The following MED12L variants were observed in gnomAD, a reference collection of about 807,000 sequenced individuals.
MED12L encodes mediator of RNA polymerase II transcription subunit 12-like protein.
A neutral mutation model predicts 281.3 loss-of-function variants in MED12L; 60 were observed. The ratio of observed to expected loss-of-function variants is 0.21; its 90% CI spans 0.17 to 0.26. MED12L has a LOEUF of 0.26. Among genes scored for constraint, MED12L ranks in the 10% least tolerant of loss-of-function variants. The probability of loss-of-function intolerance (pLI) is 1.00; values close to 1 mark genes in which losing one functional copy is unlikely to be tolerated. For missense variants in MED12L, 2,146 were observed against 2,680.9 expected, an observed-to-expected ratio of 0.80 and a Z score of 4.41; for synonymous variants, 974 against 987.2, an observed-to-expected ratio of 0.99 and a Z score of 0.25.
chr3:151,278,392 A>G (rs1742259295), intron 16 of MED12L: 1 of 152,232 alleles, frequency 6.6e-6, no homozygotes, highest in Non-Finnish European at 1.5e-5. Flanking sequence ...CTCATCTTCA[A>G]CTACGGATGA....
At chr3:151,123,156 C>CAATTT (rs1714013947) in intron 4 of MED12L, among the ~76,000 whole-genome samples, 182 bp downstream of exon 4, 2 of 152,132 alleles carry the variant, frequency 1.3e-5, no homozygotes, top group African/African-American at 4.8e-5. Flanking sequence ...GCATGTAGTG[C>CAATTT]CTAGGACATC....
At position 151,317,436 on chromosome 3, in the gene MED12L, C is replaced by CTTTTTTTTTTTTTTTTTTT. The variant is rs1164820615; in HGVS notation, c.2251-32611_2251-32593dup. 5.4e-4 allele frequency among the ~76,000 whole-genome samples: 32 copies of CTTTTTTTTTTTTTTTTTTT among 58,742 alleles called. 11 individuals are homozygous for CTTTTTTTTTTTTTTTTTTT. The highest frequency in any genetic ancestry group is 8.2e-4 in the South Asian group (1 of 1,218). The allele number at this position is 58,742 out of a possible 152,430, so 38.5% of individuals were successfully genotyped here. A position where few individuals can be genotyped will look rare whatever the true frequency, so the allele number is the denominator to read the frequency against. On this transcript the variant is annotated intron_variant, in intron 16 of 44. Coordinates refer to ENST00000687756, the MANE Select transcript of MED12L (RefSeq NM_001393769.1). ...ATGACAAATTTATATAATCATATCA[C>CTTTTTTTTTTTTTTTTTTT]TTTTTTTTTTTTTTTTTTTTTTTTT...
intron 2 of MED12L, among the ~76,000 whole-genome samples, chr3:151,106,808 A>G (rs763637127): frequency 5.9e-5 from 9 of 152,190 alleles, no homozygotes; most frequent in African/African-American, 9.7e-5. Flanking sequence ...GAAGTCTACT[A>G]TATCTGATAT....
chr3:151,195,040 G>A (rs1219321477), intron 16 of MED12L, among the ~76,000 whole-genome samples: 1 of 152,124 alleles, frequency 6.6e-6, no homozygotes, highest in Admixed American at 6.5e-5. Flanking sequence ...GCGGGCGCCT[G>A]TAGTCGCAGC....
chr3:151,183,809 G>A (rs1474295088), intron 11 of MED12L, among the ~76,000 whole-genome samples: 8 of 152,142 alleles, frequency 5.3e-5, no homozygotes, highest in Non-Finnish European at 1.0e-4. Flanking sequence ...GTGTAATCCT[G>A]AAGATGCAGG....
chr3:151,192,592 A>G lies in MED12L; in HGVS notation c.2011A>G (p.Thr671Ala). ...MAHMGIDSGTTNIFDEVDKSD... is the reference protein window; with the variant it reads ...MAHMGIDSGTANIFDEVDKSD... ...GCATATGGGCATTGACTCAGGAACC[A>G]CTAACATTTTTGATGAAGTAGACAA... Residue 671 changes from threonine (T) to alanine (A), a missense_variant, in exon 15 of 45, where the codon ACT (threonine) becomes GCT (alanine). Around this residue, in one of 9 missense-constraint regions of MED12L, gnomAD observed 722 missense variants for 861.2 expected, o/e 0.84. Coordinates refer to ENST00000687756, the MANE Select transcript of MED12L (RefSeq NM_001393769.1). 2.0e-6 allele frequency: 3 copies of G among 1,536,366 alleles called. No individual in the cohort carries two copies. The highest frequency in any genetic ancestry group is 1.7e-6 in the Non-Finnish European group (2 of 1,146,890).
intron 16 of MED12L, among the ~76,000 whole-genome samples, chr3:151,220,412 G>A (rs1729112216): frequency 6.6e-6 from 1 of 152,038 alleles, no homozygotes; most frequent in African/African-American, 2.4e-5. Flanking sequence ...CACATTACCT[G>A]GGATCTTGCT....
At chr3:151,176,324 G>C (rs1722041456) in intron 11 of MED12L, among the ~76,000 whole-genome samples, 1 of 152,086 alleles carries the variant, frequency 6.6e-6, no homozygotes, top group Admixed American at 6.5e-5. Flanking sequence ...GTTAATTTTG[G>C]TCCATATTTG....
intron 16 of MED12L, among the ~76,000 whole-genome samples, chr3:151,319,800 A>G (rs1233450839): frequency 6.6e-6 from 1 of 152,170 alleles, no homozygotes; most frequent in Non-Finnish European, 1.5e-5. Context: ...CTCAAAATAC[A>G]ACAAACTGGC....
intron 16 of MED12L, among the ~76,000 whole-genome samples, chr3:151,319,106 G>A (rs1305214214): frequency 1.3e-5 from 2 of 152,134 alleles, no homozygotes; most frequent in African/African-American, 2.4e-5. Context: ...AGTATATTAT[G>A]CCAGTCTCAA....
chr3:151,352,881 G>A (rs917459602), intron 17 of MED12L, among the ~76,000 whole-genome samples: 3 of 151,960 alleles, frequency 2.0e-5, no homozygotes, highest in Admixed American at 2.0e-4. Flanking sequence ...TCAAAATTAA[G>A]CAACAAAAGA....
chr3:151,390,564 T>G (rs576735361), intron 38 of MED12L, among the ~76,000 whole-genome samples: 141 of 152,310 alleles, frequency 9.3e-4, no homozygotes, highest in Middle Eastern at 3.4e-3. Context: ...CAAGGAAAAC[T>G]ACCATAGTAA....
Position 151,388,183 on chromosome 3 carries a change from A to C in MED12L, c.5451+11A>C. On this transcript the variant is annotated intron_variant, in intron 37 of 44. Coordinates refer to ENST00000687756, the MANE Select transcript of MED12L (RefSeq NM_001393769.1). ...AGCTCAAGAGTTGATGTAAGTGGGGAAAGGAAGGAGAACCTTGGCTCATTA... is the reference window on the plus strand; with the variant it reads ...AGCTCAAGAGTTGATGTAAGTGGGGCAAGGAAGGAGAACCTTGGCTCATTA... 6.3e-7 allele frequency: 1 copy of C among 1,583,104 alleles called. No individual in the cohort carries two copies. Among genetic ancestry groups the C allele is most frequent in the South Asian group, 1.1e-5 (1 of 88,320 alleles).
intron 16 of MED12L, among the ~76,000 whole-genome samples, chr3:151,251,300 C>G (rs1021598521): frequency 1.3e-5 from 2 of 152,164 alleles, no homozygotes; most frequent in Non-Finnish European, 2.9e-5. Flanking sequence ...TGTGATAATA[C>G]CATCTACCCA....
chr3:151,172,243 C>T (rs1721528312), intron 11 of MED12L, among the ~76,000 whole-genome samples: 1 of 152,154 alleles, frequency 6.6e-6, no homozygotes, highest in African/African-American at 2.4e-5. Flanking sequence ...TCTCAGTTTC[C>T]TCATTTTGTA....
At chr3:151,246,126 C>G (rs951151377) in intron 16 of MED12L, among the ~76,000 whole-genome samples, 3 of 151,970 alleles carry the variant, frequency 2.0e-5, no homozygotes, top group African/African-American at 7.3e-5. Flanking sequence ...AAAGAGGATA[C>G]AAACAAATGG....
intron 16 of MED12L, 88 bp downstream of exon 16, chr3:151,193,754 T>C: frequency 8.4e-7 from 1 of 1,191,352 alleles, no homozygotes; most frequent in South Asian, 1.5e-5. Context: ...AACTGTATTC[T>C]TGACTAATAA....
intron 44 of MED12L, among the ~76,000 whole-genome samples, chr3:151,432,133 G>A (rs143496428): frequency 2.6e-4 from 39 of 152,290 alleles, no homozygotes; most frequent in Non-Finnish European, 2.4e-4. Context: ...TGGGGCCTCC[G>A]GATTTGAATA....
At chr3:151,262,307 T>C (rs1447752408) in intron 16 of MED12L, among the ~76,000 whole-genome samples, 1 of 152,234 alleles carries the variant, frequency 6.6e-6, no homozygotes, top group Admixed American at 6.5e-5. Flanking sequence ...AATTTGATTA[T>C]TGTTCATCTC....
Sources: allele counts gnomAD v4.1 joint callset (sites outside exome capture counted in the v4.1 genomes callset), GRCh38; gene constraint gnomAD v4.1.1; regional missense constraint gnomAD v4.1.1; transcripts MANE v1.5; gene names NCBI Gene and HGNC (gene_info 2026-07-23, HGNC 2026-07-21).